SLC25A32: variants seen among roughly 807,000 people sequenced by gnomAD.
SLC25A32 encodes solute carrier family 25 member 32.
Under a neutral mutation model 39.0 loss-of-function variants are expected in SLC25A32, and 32 were observed. That is an observed-to-expected ratio of 0.82 (90% CI 0.62 to 1.10). The LOEUF (loss-of-function observed/expected upper bound fraction) is 1.10. Ranked by LOEUF, SLC25A32 falls within the 50% of genes least tolerant of loss-of-function variation. SLC25A32 has a pLI of 0.00. For synonymous variants in SLC25A32, 166 were observed against 152.4 expected, an observed-to-expected ratio of 1.09 and a Z score of -0.66; for missense variants, 367 against 395.3, an observed-to-expected ratio of 0.93 and a Z score of 0.61.
rs559054414 is a variant in SLC25A32, at chr8:103,401,974, G to A, written c.633C>T (p.Asn211=). ...CTTCTGGTAATCTATTGATATGCTG[G>A]TTGTACTTCAACTTCAGCAATTCAT... The part of the protein sequence containing the change: ...MAYELLKLKY[N]QHINRLPEAQ... The change falls in exon 5 of 7, where the codon AAC becomes AAT. Residue 211 remains asparagine (N), a synonymous_variant. Transcript: ENST00000297578. 1.9e-5 allele frequency: 31 copies of A among 1,613,150 alleles called. No homozygotes were observed. In the South Asian group the frequency reaches 3.0e-4, roughly 15 times the overall value.
At chr8:103,414,277 A>AT (rs1368213921) in intron 1 of SLC25A32, among the ~76,000 whole-genome samples, 1 of 152,174 alleles carries the variant, frequency 6.6e-6, no homozygotes, top group Admixed American at 6.5e-5. Flanking sequence ...GATTCTAGCT[A>AT]TTTTTTCACA....
intron 1 of SLC25A32, 67 bp from the exon 2 acceptor site, chr8:103,407,851 G>C (rs1339038385): frequency 2.2e-6 from 3 of 1,356,030 alleles, no homozygotes; most frequent in Admixed American, 3.9e-5. Flanking sequence ...TATAAACACA[G>C]ACACTGTACA....
At chr8:103,410,431 T>A (rs1044396520) in intron 1 of SLC25A32, among the ~76,000 whole-genome samples, 1 of 152,186 alleles carries the variant, frequency 6.6e-6, no homozygotes, top group Admixed American at 6.5e-5. Context: ...AGTGGTGGCA[T>A]TGGGTTCTTA....
rs1446940356 is a variant in SLC25A32 at position 103,398,968 on chromosome 8, T to G, written c.*1443A>C. On this transcript the variant is annotated 3_prime_UTR_variant, in exon 7 of 7. Coordinates refer to ENST00000297578, the MANE Select transcript of SLC25A32 (RefSeq NM_030780.5). ...TTAAAGAACTATTTAAAGATGGCTTTGAAAACAACACTTTTATTTACAACA... is the reference window on the plus strand; with the variant it reads ...TTAAAGAACTATTTAAAGATGGCTTGGAAAACAACACTTTTATTTACAACA... The G allele has an allele frequency of 6.6e-6, 1 of 152,246 alleles. No individual in the cohort carries two copies. Among genetic ancestry groups the G allele is most frequent in the Non-Finnish European group, 1.5e-5 (1 of 68,038 alleles). 9.4% of individuals were successfully genotyped at this position (152,246 alleles called of 1,614,324 possible). A position where few individuals can be genotyped will look rare whatever the true frequency, so the allele number is the denominator to read the frequency against.
In SLC25A32 at chr8:103,414,679, CG is replaced by C. The variant is rs367610017; in HGVS notation, c.154+104del. The C allele has an allele frequency of 0.45, 670,144 of 1,504,704 alleles. 150,421 individuals carry two copies. Among genetic ancestry groups the C allele is most frequent in the African/African-American group, 0.49 (35,708 of 72,334 alleles). 93.2% of individuals were successfully genotyped at this position (1,504,704 alleles called of 1,614,324 possible). Reference sequence around the variant, plus strand: ...TCAGGTTAGCCAACGCGGACAGCAACGCTCCCTTCAACGCTCCTCCTCCCCC... The same window carrying C: ...TCAGGTTAGCCAACGCGGACAGCAACCTCCCTTCAACGCTCCTCCTCCCCC... On this transcript the variant is annotated intron_variant, in intron 1 of 6. Coordinates refer to ENST00000297578, the MANE Select transcript of SLC25A32 (RefSeq NM_030780.5).
rs199877106 is a variant in SLC25A32, at chr8:103,415,028, T to C, written c.-91A>G. The C allele has an allele frequency of 6.9e-6, 11 of 1,593,338 alleles. No individual in the cohort carries two copies. In the East Asian group the frequency reaches 2.0e-4, roughly 29 times the overall value. On this transcript the variant is annotated 5_prime_UTR_variant, in exon 1 of 7. Coordinates refer to ENST00000297578, the MANE Select transcript of SLC25A32 (RefSeq NM_030780.5). The stretch of plus-strand genomic sequence containing the variant: ...CCACCGTGGCGACGGTCGCCCCTTG[T>C]GAGCGCAACCCCACCTCCGGGACCA...
intron 1 of SLC25A32, among the ~76,000 whole-genome samples, chr8:103,413,314 C>T (rs978759886): frequency 1.3e-5 from 2 of 152,220 alleles, no homozygotes; most frequent in Non-Finnish European, 2.9e-5. Flanking sequence ...AGGCCTGCAC[C>T]TGCAGGCAAG....
At chr8:103,409,740 C>T (rs1408769221) in intron 1 of SLC25A32, among the ~76,000 whole-genome samples, 1 of 152,174 alleles carries the variant, frequency 6.6e-6, no homozygotes, top group Non-Finnish European at 1.5e-5. Context: ...GGGGAAAAGT[C>T]AATTTCTTTC....
Position 103,407,797 on chromosome 8 carries a change from A to G in SLC25A32, c.155-13T>C. The G allele has an allele frequency of 6.2e-7, 1 of 1,610,720 alleles. No homozygotes were observed. The highest frequency in any genetic ancestry group is 8.5e-7 in the Non-Finnish European group (1 of 1,177,864). The stretch of plus-strand genomic sequence containing the variant: ...AATCCATCACTCACTGCATCAAGGG[A>G]TACACAAAGTCAGGTAAGAACAAAG... On this transcript the variant is annotated splice_polypyrimidine_tract_variant and intron_variant, in intron 1 of 6. Coordinates refer to ENST00000297578, the MANE Select transcript of SLC25A32 (RefSeq NM_030780.5).
intron 2 of SLC25A32, 74 bp downstream of exon 2, chr8:103,407,559 AT>A: frequency 8.2e-7 from 1 of 1,212,774 alleles, no homozygotes; most frequent in Non-Finnish European, 1.1e-6. Flanking sequence ...ATCATTTTAC[AT>A]TTACATGTAA....
At chr8:103,407,486 AATCAGCC>A in intron 2 of SLC25A32, 141 bp downstream of exon 2, 1 of 561,292 alleles carries the variant, frequency 1.8e-6, no homozygotes, top group Non-Finnish European at 2.9e-6. Context: ...TCAAATAACT[AATCAGCC>A]ATTTTGTTCT....
chr8:103,415,004 C>T lies in SLC25A32; in HGVS notation c.-67G>A, dbSNP rs1335879289. The T allele has an allele frequency of 6.3e-7, 1 of 1,586,776 alleles. No homozygotes were observed. The highest frequency in any genetic ancestry group is 2.3e-5 in the East Asian group (1 of 43,790). On this transcript the variant is annotated 5_prime_UTR_variant, in exon 1 of 7. Transcript: ENST00000297578. ...AGGTGGGACGCGATGCAGTGGCCGC[C>T]ACCGTGGCGACGGTCGCCCCTTGTG...
At chr8:103,404,285 A>G (rs1346611165) in intron 3 of SLC25A32, among the ~76,000 whole-genome samples, 1 of 152,210 alleles carries the variant, frequency 6.6e-6, no homozygotes, top group African/African-American at 2.4e-5. Context: ...AGTAATCATA[A>G]TAATTTCTGC....
chr8:103,402,314 C>A (rs964093831), intron 4 of SLC25A32: 6 of 253,998 alleles, frequency 2.4e-5, no homozygotes, highest in Non-Finnish European at 4.5e-5. Context: ...AGAAGACCCA[C>A]ACTGTCAAGA....
chr8:103,404,672 G>T, intron 3 of SLC25A32, 104 bp downstream of exon 3: 3 of 677,290 alleles, frequency 4.4e-6, no homozygotes, highest in Non-Finnish European at 2.6e-6. Flanking sequence ...AATACAGTTA[G>T]ATGGGCATAT....
Position 103,403,172 on chromosome 8 carries a change from A to T in SLC25A32, c.544T>A (p.Leu182Ile). ...TATTGATAATTTGTTACCTTATATA[A>T]TCCACGCACACCTTCATACTTATAT... The part of the protein sequence containing the change: ...KIYKYEGVRG[L>I]YKGFVPGLFG... The change falls in exon 4 of 7, where the codon TTA becomes ATA. Residue 182 changes from leucine (L) to isoleucine (I), a missense_variant. Coordinates refer to ENST00000297578, the MANE Select transcript of SLC25A32 (RefSeq NM_030780.5). 6.3e-7 allele frequency: 1 copy of T among 1,595,976 alleles called. No individual in the cohort carries two copies. Among genetic ancestry groups the T allele is most frequent in the Non-Finnish European group, 8.5e-7 (1 of 1,169,640 alleles).
Position 103,404,847 on chromosome 8 carries a change from T to C in SLC25A32, c.320A>G (p.Lys107Arg), listed in dbSNP as rs1816294796. The change falls in exon 3 of 7, where the codon AAG (lysine) becomes AGG (arginine). Residue 107 changes from lysine (K) to arginine (R), a missense_variant. Transcript: ENST00000297578. ...GLYFFFYNAI[K>R]SYKTEGRAER... is the part of the protein sequence containing the mutation. ...AGCTCTTCCTTCTGTTTTATATGAC[T>C]TGATGGCATTGTAACTAAAAGAATT... is the stretch of plus-strand genomic sequence containing the variant. 6.2e-7 allele frequency: 1 copy of C among 1,610,124 alleles called. No individual in the cohort carries two copies. The highest frequency in any genetic ancestry group is 8.5e-7 in the Non-Finnish European group (1 of 1,176,638).
chr8:103,398,655 A>G lies in SLC25A32; in HGVS notation c.*1756T>C, dbSNP rs182124050. 1.3e-5 allele frequency: 2 copies of G among 152,344 alleles called. No individual in the cohort carries two copies. The highest frequency in any genetic ancestry group is 4.8e-5 in the African/African-American group (2 of 41,564). 9.4% of individuals were successfully genotyped at this position (152,344 alleles called of 1,614,324 possible). ...CAAGCTTGTATGCTCTCAGAGGACA[A>G]GAATTATGTTTTATTCATTTGGGAG... On this transcript the variant is annotated 3_prime_UTR_variant, in exon 7 of 7. Transcript: ENST00000297578.
At chr8:103,405,607 A>G (rs78883991) in intron 2 of SLC25A32, among the ~76,000 whole-genome samples, 55 of 152,210 alleles carry the variant, frequency 3.6e-4, no homozygotes, top group African/African-American at 1.1e-3. Flanking sequence ...TATTTCCTTT[A>G]ATGCCGATTT....
Sources: gnomAD v4.1 joint callset for allele counts (sites outside exome capture counted in the v4.1 genomes callset) on GRCh38, gnomAD v4.1.1 for gene constraint, MANE v1.5 for transcripts, NCBI Gene and HGNC (gene_info 2026-07-23, HGNC 2026-07-21) for gene names.